The following FSTL4 variants were observed in gnomAD, a reference collection of about 807,000 sequenced individuals.
FSTL4 encodes follistatin like 4.
Under a neutral mutation model 78.2 loss-of-function variants are expected in FSTL4, and 28 were observed. The observed-to-expected ratio is 0.36, with a 90% CI of 0.27 to 0.49. The LOEUF is 0.49. Among genes scored for constraint, FSTL4 ranks in the 20% least tolerant of loss-of-function variants. The pLI, the probability that FSTL4 is intolerant of heterozygous loss-of-function variation, is 0.98. For synonymous variants in FSTL4, 422 were observed against 440.5 expected (o/e 0.96, Z 0.53); for missense variants, 922 against 1,084.9 (o/e 0.85, Z 2.11).
At chr5:133,377,251 C>T (rs1755456668) in intron 4 of FSTL4, among the ~76,000 whole-genome samples, 1 of 151,916 alleles carries the variant, frequency 6.6e-6, no homozygotes, top group Non-Finnish European at 1.5e-5. Flanking sequence ...ACCCGAAGTT[C>T]CCTCACCCCA....
rs527786909 is a variant in FSTL4, at chr5:133,308,557, T to G, written c.727+4097A>C. On this transcript the variant is annotated intron_variant, in intron 6 of 15. Coordinates refer to ENST00000265342, the MANE Select transcript of FSTL4 (RefSeq NM_015082.2). ...AGGTGGGTGTGAGGATTGGCTGAGATAGCATGTGTGGAAGTCTGGTATGGG... is the reference window on the plus strand; with the variant it reads ...AGGTGGGTGTGAGGATTGGCTGAGAGAGCATGTGTGGAAGTCTGGTATGGG... 1.3e-3 allele frequency among the ~76,000 whole-genome samples: 202 copies of G among 152,316 alleles called. 1 individual carries two copies. The highest frequency in any genetic ancestry group is 4.8e-3 in the African/African-American group (198 of 41,560).
chr5:133,457,124 A>G (rs949366738), intron 3 of FSTL4, among the ~76,000 whole-genome samples: 1 of 152,162 alleles, frequency 6.6e-6, no homozygotes, highest in Non-Finnish European at 1.5e-5. Context: ...AGAAAAAAAA[A>G]AAGAAGAAGA....
intron 6 of FSTL4, among the ~76,000 whole-genome samples, chr5:133,302,038 G>T (rs535388226): frequency 6.6e-6 from 1 of 152,032 alleles, no homozygotes; most frequent in South Asian, 2.1e-4. Context: ...TACCTGTGCT[G>T]AGTCCAGCCT....
chr5:133,455,775 T>A (rs1456283762), intron 3 of FSTL4, among the ~76,000 whole-genome samples: 1 of 152,168 alleles, frequency 6.6e-6, no homozygotes, highest in Non-Finnish European at 1.5e-5. Context: ...GTTGGTGACA[T>A]GGAATTATGA....
chr5:133,682,900 T>C, the FSTL4 span, among the ~76,000 whole-genome samples: 3 of 152,148 alleles, frequency 2.0e-5, no homozygotes, highest in Non-Finnish European at 4.4e-5. Flanking sequence ...TTCTCCATTG[T>C]AGCAGAGTAA....
intron 6 of FSTL4, among the ~76,000 whole-genome samples, chr5:133,295,210 G>A (rs1581599581): frequency 6.6e-6 from 1 of 152,018 alleles, no homozygotes; most frequent in Admixed American, 6.6e-5. Flanking sequence ...GAAAACAGAC[G>A]TCTGCACACG....
chr5:133,311,558 A>T (rs1244071398), intron 6 of FSTL4, among the ~76,000 whole-genome samples: 1 of 152,192 alleles, frequency 6.6e-6, no homozygotes, highest in African/African-American at 2.4e-5. Context: ...TCTTGCCAAC[A>T]AATCACAAGG....
chr5:133,487,853 T>G (rs747075308), intron 3 of FSTL4, among the ~76,000 whole-genome samples: 1 of 152,190 alleles, frequency 6.6e-6, no homozygotes, highest in Non-Finnish European at 1.5e-5. Flanking sequence ...CTTAAAATCC[T>G]GCAGACACCG....
At chr5:133,699,057 T>C in the FSTL4 span, among the ~76,000 whole-genome samples, 1 of 152,202 alleles carries the variant, frequency 6.6e-6, no homozygotes, top group Admixed American at 6.5e-5. Flanking sequence ...CAGTCAATGG[T>C]GTCCTGGAGG....
At chr5:133,239,343 C>T (rs1751762398) in intron 7 of FSTL4, among the ~76,000 whole-genome samples, 1 of 152,092 alleles carries the variant, frequency 6.6e-6, no homozygotes, top group South Asian at 2.1e-4. Context: ...CTGAGGAGTG[C>T]GGGCGCACGG....
chr5:133,335,263 T>C (rs545290586), intron 4 of FSTL4, among the ~76,000 whole-genome samples: 1 of 152,240 alleles, frequency 6.6e-6, no homozygotes, highest in African/African-American at 2.4e-5. Flanking sequence ...ACAGGGCCAA[T>C]GTGTAAGGCC....
intron 3 of FSTL4, among the ~76,000 whole-genome samples, chr5:133,510,918 G>C (rs552810079): frequency 6.6e-6 from 1 of 152,092 alleles, no homozygotes; most frequent in Non-Finnish European, 1.5e-5. Flanking sequence ...GCCAGCTCTC[G>C]CTCAAAAAGG....
chr5:133,766,966 C>G, the FSTL4 span, among the ~76,000 whole-genome samples: 1 of 152,062 alleles, frequency 6.6e-6, no homozygotes, highest in Non-Finnish European at 1.5e-5. Flanking sequence ...AGCAAAAGTG[C>G]GAAGACAGGT....
chr5:133,534,541 G>T (rs1338384539), intron 3 of FSTL4, among the ~76,000 whole-genome samples: 1 of 152,164 alleles, frequency 6.6e-6, no homozygotes, highest in East Asian at 1.9e-4. Context: ...TGCCCATGAT[G>T]ACTATTATTG....
chr5:133,288,200 C>G (rs938028437), intron 6 of FSTL4, among the ~76,000 whole-genome samples: 5 of 152,270 alleles, frequency 3.3e-5, no homozygotes, highest in Admixed American at 6.5e-5. Context: ...CTCTTACTAA[C>G]TAGGTAGCCC....
the FSTL4 span, among the ~76,000 whole-genome samples, chr5:133,710,864 A>G: frequency 6.6e-6 from 1 of 152,262 alleles, no homozygotes; most frequent in Non-Finnish European, 1.5e-5. Context: ...ATGTTCACAC[A>G]ATACCATCAC....
chr5:133,200,040 C>G (rs1420614434), intron 15 of FSTL4, among the ~76,000 whole-genome samples: 5 of 152,150 alleles, frequency 3.3e-5, no homozygotes, highest in African/African-American at 1.2e-4. Flanking sequence ...ATGCACTCAT[C>G]GTTGGAAATG....
chr5:133,581,718 G>C (rs1287203179), intron 2 of FSTL4, among the ~76,000 whole-genome samples: 3 of 152,272 alleles, frequency 2.0e-5, no homozygotes, highest in East Asian at 3.9e-4. Flanking sequence ...ATAATCCAGA[G>C]TATAGGCCAT....
the FSTL4 span, among the ~76,000 whole-genome samples, chr5:133,733,939 C>T: frequency 1.3e-5 from 2 of 152,204 alleles, no homozygotes; most frequent in African/African-American, 4.8e-5. Context: ...CTCAGTGCCT[C>T]CCCATGTGGA....
Sources: allele counts gnomAD v4.1 joint callset (sites outside exome capture counted in the v4.1 genomes callset), GRCh38; gene constraint gnomAD v4.1.1; transcripts MANE v1.5; gene names NCBI Gene and HGNC (gene_info 2026-07-23, HGNC 2026-07-21).